MAPK6: variants seen among roughly 807,000 people sequenced by gnomAD.
MAPK6 encodes mitogen-activated protein kinase 6.
Under a neutral mutation model 59.3 loss-of-function variants are expected in MAPK6, and 19 were observed. That is an observed-to-expected ratio of 0.32 (90% CI 0.22 to 0.47). The LOEUF is 0.47. Among genes scored for constraint, MAPK6 ranks in the 20% least tolerant of loss-of-function variants. MAPK6 has a pLI of 1.00. For synonymous variants in MAPK6, 316 were observed against 290.3 expected (o/e 1.09, Z -0.90); for missense variants, 724 against 847.9 (o/e 0.85, Z 1.81).
At chr15:52,031,258 A>G (rs1030869819) in intron 1 of MAPK6, among the ~76,000 whole-genome samples, 1 of 152,164 alleles carries the variant, frequency 6.6e-6, no homozygotes, top group African/African-American at 2.4e-5. Flanking sequence ...TCTATAGGAA[A>G]TATACTCTAC....
At position 52,047,038 on chromosome 15, in the gene MAPK6, G is replaced by C. The variant is rs747660506; in HGVS notation, c.555+23G>C. On this transcript the variant is annotated intron_variant, in intron 2 of 5. Coordinates refer to ENST00000261845, the MANE Select transcript of MAPK6 (RefSeq NM_002748.4). Reference sequence around the variant, plus strand: ...AAGGTATGTATAGAAAGCCAGCTGAGACAGATCTTTAAACTGATACACCTA... The same window carrying C: ...AAGGTATGTATAGAAAGCCAGCTGACACAGATCTTTAAACTGATACACCTA... 3.3e-6 allele frequency: 5 copies of C among 1,497,520 alleles called. No individual in the cohort carries two copies. In the South Asian group the frequency reaches 7.1e-5, roughly 21 times the overall value. 92.8% of individuals were successfully genotyped at this position (1,497,520 alleles called of 1,614,324 possible).
chr15:51,989,258 T>C (rs2057201005), intron 2 of MAPK6, among the ~76,000 whole-genome samples: 1 of 151,988 alleles, frequency 6.6e-6, no homozygotes, highest in African/African-American at 2.4e-5. Flanking sequence ...TTTTGTATTT[T>C]TGTAGAGACC....
intron 1 of MAPK6, among the ~76,000 whole-genome samples, chr15:51,975,737 T>A (rs1228525460): frequency 1.3e-5 from 2 of 151,750 alleles, no homozygotes; most frequent in African/African-American, 4.8e-5. Context: ...GAGCACTTTG[T>A]GGAAGGAGTT....
chr15:52,001,604 G>A (rs193136337), intron 2 of MAPK6, among the ~76,000 whole-genome samples: 3 of 151,458 alleles, frequency 2.0e-5, no homozygotes, highest in East Asian at 3.9e-4. Context: ...CTCCTGCTGG[G>A]TTCAAGCGAT....
At chr15:52,040,893 C>T (rs2031398004) in intron 1 of MAPK6, among the ~76,000 whole-genome samples, 1 of 152,206 alleles carries the variant, frequency 6.6e-6, no homozygotes, top group South Asian at 2.1e-4. Context: ...AAGCAAAAAG[C>T]CAACTTTTAT....
intron 1 of MAPK6, among the ~76,000 whole-genome samples, chr15:52,029,639 G>T (rs2141870342): frequency 6.6e-6 from 1 of 152,244 alleles, no homozygotes; most frequent in Admixed American, 6.5e-5. Context: ...TATTCTTCCA[G>T]TCTTTCTCTC....
chr15:52,048,468 T>C (rs2031666541), intron 2 of MAPK6, among the ~76,000 whole-genome samples: 1 of 151,184 alleles, frequency 6.6e-6, no homozygotes. Context: ...AAATACAAAA[T>C]TAGCTGTGCC....
intron 2 of MAPK6, among the ~76,000 whole-genome samples, chr15:51,988,434 T>C (rs1032751622): frequency 6.6e-6 from 1 of 152,072 alleles, no homozygotes; most frequent in Non-Finnish European, 1.5e-5. Flanking sequence ...ACTCGGTGGC[T>C]TTAGAGCAAC....
chr15:51,982,879 A>G (rs529496830), intron 1 of MAPK6, among the ~76,000 whole-genome samples: 1 of 152,304 alleles, frequency 6.6e-6, no homozygotes, highest in African/African-American at 2.4e-5. Context: ...TGAAGATTTT[A>G]CTTCCTTGAC....
At position 52,055,608 on chromosome 15, in the gene MAPK6, C is replaced by T. The variant is rs566661915; in HGVS notation, c.701-3025C>T. On this transcript the variant is annotated intron_variant, in intron 3 of 5. Transcript: ENST00000261845. The stretch of plus-strand genomic sequence containing the variant: ...TCAGCTAACTGAAACCTCCTCCTCC[C>T]GGGTTCAAGCGATTCTCCTGCCTCA... 5.9e-5 allele frequency among the ~76,000 whole-genome samples: 9 copies of T among 152,228 alleles called. 1 individual carries two copies. Among genetic ancestry groups the T allele is most frequent in the South Asian group, 2.1e-4 (1 of 4,816 alleles).
chr15:52,039,509 CTTTTTTTTTTTTTT>C (rs11341546), intron 1 of MAPK6, among the ~76,000 whole-genome samples: 3 of 85,880 alleles, frequency 3.5e-5, no homozygotes, highest in African/African-American at 7.9e-5. Context: ...AGTGTTTTGT[CTTTTTTTTTTTTTT>C]TTTTTTTTTG....
chr15:52,051,578 T>G (rs1315242914), intron 3 of MAPK6, among the ~76,000 whole-genome samples: 1 of 152,140 alleles, frequency 6.6e-6, no homozygotes, highest in Non-Finnish European at 1.5e-5. Context: ...TTCTAATATT[T>G]ATCTAAAATT....
At chr15:52,055,658 G>A (rs190262369) in intron 3 of MAPK6, among the ~76,000 whole-genome samples, 36 of 152,188 alleles carry the variant, frequency 2.4e-4, no homozygotes, top group Non-Finnish European at 4.6e-4. Context: ...TGGGACTATA[G>A]GTGCATGCCT....
intron 1 of MAPK6, among the ~76,000 whole-genome samples, chr15:52,031,085 T>A (rs949191086): frequency 2.0e-5 from 3 of 151,930 alleles, no homozygotes; most frequent in Admixed American, 1.3e-4. Context: ...TGAGCCACCA[T>A]GCCTGGCCTT....
chr15:52,053,571 A>C (rs1003404709), intron 3 of MAPK6, among the ~76,000 whole-genome samples: 2 of 150,386 alleles, frequency 1.3e-5, no homozygotes, highest in East Asian at 2.0e-4. Context: ...CCCTTTCTTT[A>C]TAGTGTCTTT....
chr15:52,045,327 A>G (rs545042740), intron 1 of MAPK6, among the ~76,000 whole-genome samples: 12 of 152,296 alleles, frequency 7.9e-5, no homozygotes, highest in African/African-American at 2.4e-4. Flanking sequence ...GGTATTATTC[A>G]TTGTTCAAGT....
intron 5 of MAPK6, among the ~76,000 whole-genome samples, chr15:52,062,900 T>G (rs2032259501): frequency 6.6e-6 from 1 of 151,544 alleles, no homozygotes. Flanking sequence ...TCAGGTGATT[T>G]TGATGTATGG....
chr15:52,002,668 A>T (rs1373344764), intron 2 of MAPK6, among the ~76,000 whole-genome samples: 1 of 152,210 alleles, frequency 6.6e-6, no homozygotes, highest in Non-Finnish European at 1.5e-5. Flanking sequence ...ACAGGGCAAA[A>T]TAGCTAGGCC....
chr15:52,053,277 T>A (rs915664241), intron 3 of MAPK6, among the ~76,000 whole-genome samples: 3 of 152,024 alleles, frequency 2.0e-5, no homozygotes, highest in African/African-American at 7.2e-5. Context: ...GGTTTCACCA[T>A]GTTGGCCAGG....
Sources: allele counts gnomAD v4.1 joint callset (sites outside exome capture counted in the v4.1 genomes callset), GRCh38; gene constraint gnomAD v4.1.1; transcripts MANE v1.5; gene names NCBI Gene and HGNC (gene_info 2026-07-23, HGNC 2026-07-21).